The following AEN variants were observed in gnomAD, a reference collection of about 807,000 sequenced individuals.
AEN encodes the protein apoptosis-enhancing nuclease.
Under a neutral mutation model 17.7 loss-of-function variants are expected in AEN, and 21 were observed. The ratio of observed to expected loss-of-function variants is 1.19; its 90% confidence interval spans 0.84 to 1.71. AEN has a LOEUF of 1.71. AEN is among the 40% of genes most tolerant of loss of function. The pLI, the probability that AEN is intolerant of heterozygous loss-of-function variation, is 0.00. For synonymous variants in AEN, 190 were observed against 173.0 expected (o/e 1.10, Z -0.77); for missense variants, 462 against 435.9 (o/e 1.06, Z -0.53).
chr15:88,624,037 G>A (rs1455923459), intron 1 of AEN, among the ~76,000 whole-genome samples: 3 of 152,190 alleles, frequency 2.0e-5, no homozygotes, highest in Non-Finnish European at 4.4e-5. Flanking sequence ...CACAGATGTA[G>A]CCTCTTCCAG....
chr15:88,608,162 A>T, the AEN span: 2 of 531,798 alleles, frequency 3.8e-6, no homozygotes, highest in Non-Finnish European at 7.8e-6. Context: ...CTTGTCAACC[A>T]ATAAGAGGAT....
chr15:88,613,705 TGCTTACGA>T, the AEN span, among the ~76,000 whole-genome samples: 1 of 152,150 alleles, frequency 6.6e-6, no homozygotes, highest in African/African-American at 2.4e-5. Context: ...TTGGCTCCAC[TGCTTACGA>T]GCTGTGTGAC....
intron 1 of AEN, 93 bp downstream of exon 1, chr15:88,621,475 C>G (rs1032518868): frequency 6.6e-6 from 1 of 152,566 alleles, no homozygotes; most frequent in East Asian, 1.9e-4. Flanking sequence ...GTTTCCGCCC[C>G]GGCCTGCGGC....
chr15:88,606,216 GCT>G, the AEN span, among the ~76,000 whole-genome samples: 1 of 152,072 alleles, frequency 6.6e-6, no homozygotes, highest in African/African-American at 2.4e-5. Context: ...GCTCCCTCTC[GCT>G]CTCTCCCCCT....
chr15:88,618,598 A>G (rs2057757344), upstream of AEN, among the ~76,000 whole-genome samples: 3 of 152,232 alleles, frequency 2.0e-5, no homozygotes, highest in Admixed American at 6.5e-5. Context: ...TTATTTTTCC[A>G]TAAATTTGTG....
chr15:88,609,621 G>A, the AEN span, among the ~76,000 whole-genome samples: 723 of 152,276 alleles, frequency 4.7e-3, 11 homozygotes, highest in East Asian at 0.048. Context: ...AATTAGAAGT[G>A]GGGAGTGGAA....
intron 3 of AEN, among the ~76,000 whole-genome samples, chr15:88,629,786 C>T (rs1402850093): frequency 6.6e-6 from 1 of 152,156 alleles, no homozygotes; most frequent in Non-Finnish European, 1.5e-5. Flanking sequence ...ACCTCTTGCT[C>T]CTGTTGGGCT....
chr15:88,622,403 C>T (rs572460533), intron 1 of AEN, among the ~76,000 whole-genome samples: 1 of 152,290 alleles, frequency 6.6e-6, no homozygotes, highest in East Asian at 1.9e-4. Flanking sequence ...GCAGGAGGAG[C>T]CGCGGACAAA....
At chr15:88,622,851 A>AT (rs1285927811) in intron 1 of AEN, among the ~76,000 whole-genome samples, 1 of 152,226 alleles carries the variant, frequency 6.6e-6, no homozygotes, top group Non-Finnish European at 1.5e-5. Context: ...GTATAAAATA[A>AT]TACAGAACAA....
upstream of AEN, among the ~76,000 whole-genome samples, chr15:88,618,471 G>A (rs1417241116): frequency 6.6e-6 from 1 of 152,144 alleles, no homozygotes; most frequent in Admixed American, 6.5e-5. Context: ...TAGTACATAT[G>A]ATTAAAATAC....
chr15:88,628,864 T>TC, intron 2 of AEN: 1 of 212,370 alleles, frequency 4.7e-6, no homozygotes. Flanking sequence ...GGAGGCCTGG[T>TC]GACGTCTTCC....
chr15:88,628,267 A>G (rs1596031166), intron 2 of AEN: 1 of 152,394 alleles, frequency 6.6e-6, no homozygotes, highest in East Asian at 1.9e-4. Flanking sequence ...GCATGTCCCT[A>G]CTATAAAGTC....
chr15:88,607,177 G>A, the AEN span, among the ~76,000 whole-genome samples: 8 of 152,160 alleles, frequency 5.3e-5, no homozygotes, highest in Non-Finnish European at 1.0e-4. Context: ...AGAGGGAAAC[G>A]TGTCTCCCTT....
the AEN span, among the ~76,000 whole-genome samples, chr15:88,610,312 T>TTA: frequency 6.6e-6 from 1 of 151,688 alleles, no homozygotes; most frequent in African/African-American, 2.4e-5. Context: ...GGGCTATTTT[T>TTA]TTTTTTTTTT....
the AEN span, among the ~76,000 whole-genome samples, chr15:88,614,446 C>T: frequency 6.6e-6 from 1 of 152,106 alleles, no homozygotes; most frequent in Non-Finnish European, 1.5e-5. Context: ...GGTGATCCTA[C>T]CACCTTGGCT....
the AEN span, among the ~76,000 whole-genome samples, chr15:88,607,182 T>C: frequency 6.6e-6 from 1 of 152,202 alleles, no homozygotes; most frequent in Non-Finnish European, 1.5e-5. Flanking sequence ...GAAACGTGTC[T>C]CCCTTAGCAG....
chr15:88,612,128 T>C, the AEN span, among the ~76,000 whole-genome samples: 2 of 152,234 alleles, frequency 1.3e-5, no homozygotes, highest in Admixed American at 6.5e-5. Flanking sequence ...CAGGGAGCAG[T>C]GGACTGCTTC....
chr15:88,608,782 C>A, the AEN span, among the ~76,000 whole-genome samples: 1 of 152,356 alleles, frequency 6.6e-6, no homozygotes, highest in East Asian at 1.9e-4. Context: ...TGGATGGAGA[C>A]AATGACTCTT....
chr15:88,627,415 T>C (rs1248770030), intron 2 of AEN: 4 of 151,064 alleles, frequency 2.6e-5, no homozygotes, highest in African/African-American at 9.7e-5. Context: ...AAAAATAAGA[T>C]AGAAACCTAA....
Sources: gnomAD v4.1 joint callset for allele counts (sites outside exome capture counted in the v4.1 genomes callset) on GRCh38, gnomAD v4.1.1 for gene constraint, MANE v1.5 for transcripts, NCBI Gene and HGNC (gene_info 2026-07-23, HGNC 2026-07-21) for gene names.